The following KLHDC2 variants were observed in gnomAD, a reference collection of about 807,000 sequenced individuals.
The protein encoded by KLHDC2 is kelch domain-containing protein 2.
A neutral mutation model predicts 62.3 loss-of-function variants in KLHDC2; 38 were observed. That is an observed-to-expected ratio of 0.61 (90% confidence interval 0.47 to 0.80). The LOEUF (loss-of-function observed/expected upper bound fraction) is 0.80, where lower values mean the gene tolerates loss of function less well. Ranked by LOEUF, KLHDC2 falls within the 30% of genes least tolerant of loss-of-function variation. The probability of loss-of-function intolerance (pLI) is 0.00; values close to 1 mark genes in which losing one functional copy is unlikely to be tolerated. For missense variants in KLHDC2, 430 were observed against 495.3 expected, an observed-to-expected ratio of 0.87 and a Z score of 1.25; for synonymous variants, 159 against 161.0, an observed-to-expected ratio of 0.99 and a Z score of 0.09.
At chr14:49,768,682 G>C in intron 1 of KLHDC2, 61 bp downstream of exon 1, 2 of 1,452,838 alleles carry the variant, frequency 1.4e-6, no homozygotes, top group South Asian at 2.7e-5. Flanking sequence ...CTGCGTTCGC[G>C]GCCAGGCGGG....
intron 9 of KLHDC2, 113 bp downstream of exon 9, chr14:49,780,435 T>C (rs963872810): frequency 2.7e-6 from 2 of 753,570 alleles, no homozygotes; most frequent in African/African-American, 1.8e-5. Flanking sequence ...GTTGGAAGGT[T>C]TGAAATTAAT....
At chr14:49,782,783 C>T (rs188187880) in intron 12 of KLHDC2, 47 bp from the exon 13 acceptor site, 2 of 1,584,486 alleles carry the variant, frequency 1.3e-6, no homozygotes, top group Non-Finnish European at 1.7e-6. Context: ...AATGTACTTC[C>T]AAACAGTAAA....
At chr14:49,768,689 C>A in intron 1 of KLHDC2, 68 bp downstream of exon 1, 1 of 1,428,980 alleles carries the variant, frequency 7.0e-7, no homozygotes, top group Non-Finnish European at 9.2e-7. Flanking sequence ...CGCGGCCAGG[C>A]GGGGAGGCCA....
intron 5 of KLHDC2, 71 bp downstream of exon 5, chr14:49,778,330 C>G: frequency 1.5e-6 from 2 of 1,352,070 alleles, no homozygotes; most frequent in Non-Finnish European, 2.1e-6. Context: ...AAGTTTTGTG[C>G]ATTTTTCTTT....
Position 49,784,656 on chromosome 14 carries a change from G to A in KLHDC2, c.*1703G>A, listed in dbSNP as rs1026491339. The A allele has an allele frequency of 6.2e-7, 1 of 1,610,918 alleles. No homozygotes were observed. ...TTCAGCTATTTCCTTTTTACGTTCA[G>A]AAGATTGGGTGCAGACACTTTCACT... is the stretch of plus-strand genomic sequence containing the variant. On this transcript the variant is annotated 3_prime_UTR_variant, in exon 13 of 13. Transcript: ENST00000298307.
At chr14:49,773,543 G>A (rs1361385857) in intron 2 of KLHDC2, among the ~76,000 whole-genome samples, 3 of 148,702 alleles carry the variant, frequency 2.0e-5, no homozygotes, top group African/African-American at 7.4e-5. Context: ...AATACAGTGA[G>A]ACCCTGTTTC....
intron 1 of KLHDC2, among the ~76,000 whole-genome samples, chr14:49,769,998 G>A (rs768235877): frequency 5.7e-4 from 87 of 152,058 alleles, no homozygotes; most frequent in Non-Finnish European, 3.4e-4. Context: ...GGGCAAGCAT[G>A]TAGTCACCCT....
At chr14:49,769,298 ACGT>A in intron 1 of KLHDC2, among the ~76,000 whole-genome samples, 1 of 152,338 alleles carries the variant, frequency 6.6e-6, no homozygotes, top group East Asian at 1.9e-4. Flanking sequence ...GTTATAAACA[ACGT>A]GATTAGTTAG....
rs1217882240 is a variant in KLHDC2, at chr14:49,768,241, C to T, written c.-228C>T. 16 of 398,814 alleles carry T rather than the reference C, an allele frequency of 4.0e-5. No individual in the cohort carries two copies. Among genetic ancestry groups the T allele is most frequent in the African/African-American group, 8.5e-5 (4 of 47,250 alleles). 24.7% of individuals were successfully genotyped at this position (398,814 alleles called of 1,614,324 possible). On this transcript the variant is annotated 5_prime_UTR_variant, in exon 1 of 13. Transcript: ENST00000298307. ...GGCCCGCGCCGCCGCCGCCCGGCTC[C>T]GCTCGCGGCCCCTCTGTCTGCAGGC...
Position 49,785,608 on chromosome 14 carries a change from G to A in KLHDC2, c.*2655G>A. ...CATTTAAGAGAAAGAAGGCCCAGGA[G>A]CAGTGGTTCACGCCTATAATCCTAG... On this transcript the variant is annotated 3_prime_UTR_variant, in exon 13 of 13. Coordinates refer to ENST00000298307, the MANE Select transcript of KLHDC2 (RefSeq NM_014315.3). 2.9e-6 allele frequency: 1 copy of A among 341,558 alleles called. No homozygotes were observed. The highest frequency in any genetic ancestry group is 2.7e-5 in the South Asian group (1 of 36,806). 21.2% of individuals were successfully genotyped at this position (341,558 alleles called of 1,614,324 possible). A position where few individuals can be genotyped will look rare whatever the true frequency, so the allele number is the denominator to read the frequency against.
rs1197486277 is a variant in KLHDC2, at chr14:49,768,278, G to A, written c.-191G>A. On this transcript the variant is annotated 5_prime_UTR_variant, in exon 1 of 13. Transcript: ENST00000298307. The stretch of plus-strand genomic sequence containing the variant: ...CTCTGTCTGCAGGCGTGCCCCGGCG[G>A]CGGCGGAGAGCCGTCCTCGGCCGAG... 6 of 557,112 alleles carry A rather than the reference G, an allele frequency of 1.1e-5. No individual in the cohort carries two copies. The highest frequency in any genetic ancestry group is 7.8e-5 in the South Asian group (3 of 38,368). The allele number at this position is 557,112 out of a possible 1,614,324, so 34.5% of individuals were successfully genotyped here.
chr14:49,768,578 C>T lies in KLHDC2; in HGVS notation c.110C>T (p.Ala37Val). 2 of 1,605,306 alleles carry T rather than the reference C, an allele frequency of 1.2e-6. No homozygotes were observed. Among genetic ancestry groups the T allele is most frequent in the Non-Finnish European group, 1.7e-6 (2 of 1,176,752 alleles). ...ACPAERSGHV[A>V]VSDGRHMFVW... The stretch of plus-strand genomic sequence containing the variant: ...CCCGCTGAGCGCAGCGGCCACGTAG[C>T]CGTCAGCGACGGGCGCCACATGTTC... Residue 37 changes from alanine (A) to valine (V), a missense_variant, in exon 1 of 13, where the codon GCC (alanine) becomes GTC (valine). Transcript: ENST00000298307.
rs142832481 is a variant in KLHDC2 at position 49,771,736 on chromosome 14, C to T, written c.233+63C>T. ...GATAAGGGCTGGGCACGGTGGCTGG[C>T]TCATGCCTATAATCCCAGCACTTTG... is the stretch of plus-strand genomic sequence containing the variant. On this transcript the variant is annotated intron_variant, in intron 2 of 12. Coordinates refer to ENST00000298307, the MANE Select transcript of KLHDC2 (RefSeq NM_014315.3). 3.5e-4 allele frequency: 295 copies of T among 842,372 alleles called. 1 individual carries two copies. The East Asian group carries it at 5.5e-3, about 16-fold the overall frequency. The allele number at this position is 842,372 out of a possible 1,614,324, so 52.2% of individuals were successfully genotyped here. A position where few individuals can be genotyped will look rare whatever the true frequency, so the allele number is the denominator to read the frequency against.
Position 49,768,585 on chromosome 14 carries a change from C to T in KLHDC2, c.117C>T (p.Ser39=), listed in dbSNP as rs758382531. The change falls in exon 1 of 13, where the codon AGC becomes AGT. Residue 39 remains serine, a synonymous_variant. Coordinates refer to ENST00000298307, the MANE Select transcript of KLHDC2 (RefSeq NM_014315.3). ...AGCGCAGCGGCCACGTAGCCGTCAG[C>T]GACGGGCGCCACATGTTCGTCTGGG... The part of the protein sequence containing the change: ...PAERSGHVAV[S]DGRHMFVWGG... 8.7e-6 allele frequency: 14 copies of T among 1,603,294 alleles called. No individual in the cohort carries two copies. The highest frequency in any genetic ancestry group is 1.7e-5 in the Admixed American group (1 of 58,506).
In KLHDC2 at chr14:49,782,561, T is replaced by TAATA; in HGVS notation, c.1065_1068dup (p.Phe357AsnfsTer21). ...TTTCAGGCACACAGTAATGAAATACTAATATTTTCAGTTCAACCAAAATCT... is the reference window on the plus strand; with the variant it reads ...TTTCAGGCACACAGTAATGAAATACTAATAAATATTTTCAGTTCAACCAAAATCT... On this transcript the variant is annotated frameshift_variant, in exon 12 of 13. Coordinates refer to ENST00000298307, the MANE Select transcript of KLHDC2 (RefSeq NM_014315.3). LOFTEE classifies it high-confidence loss of function. 4 of 1,607,254 alleles carry TAATA rather than the reference T, an allele frequency of 2.5e-6. No homozygotes were observed. The highest frequency in any genetic ancestry group is 2.2e-5 in the South Asian group (2 of 90,198).
Position 49,777,878 on chromosome 14 carries a change from C to A in KLHDC2, c.391C>A (p.Gln131Lys). 6.2e-7 allele frequency: 1 copy of A among 1,610,904 alleles called. No homozygotes were observed. The change falls in exon 4 of 13, where the codon CAG (glutamine) becomes AAG (lysine). Residue 131 changes from glutamine (Q) to lysine (K), a missense_variant. Physicochemically the swap from Gln to Lys is moderately conservative, Grantham distance 53. Coordinates refer to ENST00000298307, the MANE Select transcript of KLHDC2 (RefSeq NM_014315.3). ...LDSRSTDRVL[Q>K]WERIDCQGIP... ...TTCAAGGTCTACAGACAGAGTGTTACAGTGGGAAAGAATTGATTGCCAAGG... is the reference window on the plus strand; with the variant it reads ...TTCAAGGTCTACAGACAGAGTGTTAAAGTGGGAAAGAATTGATTGCCAAGG...
chr14:49,774,743 A>T (rs575058727), intron 3 of KLHDC2, 65 bp downstream of exon 3: 42 of 965,516 alleles, frequency 4.4e-5, no homozygotes, highest in Non-Finnish European at 6.6e-5. Flanking sequence ...AACAACTGCA[A>T]ATTTCTAAGG....
At chr14:49,782,113 C>A in intron 10 of KLHDC2, 1 of 431,670 alleles carries the variant, frequency 2.3e-6, no homozygotes. Flanking sequence ...TAACAAAGAC[C>A]TAGAGAACAG....
At chr14:49,781,643 G>C (rs575056761) in intron 10 of KLHDC2, among the ~76,000 whole-genome samples, 1 of 151,718 alleles carries the variant, frequency 6.6e-6, no homozygotes, top group African/African-American at 2.4e-5. Context: ...GATGTAGTGA[G>C]CTGAGATTGC....
Sources: gnomAD v4.1 joint callset for allele counts (sites outside exome capture counted in the v4.1 genomes callset) on GRCh38, gnomAD v4.1.1 for gene constraint, MANE v1.5 for transcripts, NCBI Gene and HGNC (gene_info 2026-07-23, HGNC 2026-07-21) for gene names.